RALYL: variants seen among roughly 807,000 people sequenced by gnomAD.
RALYL encodes RALY RNA binding protein like.
A neutral mutation model predicts 35.1 loss-of-function variants in RALYL; 29 were observed. The observed-to-expected ratio is 0.83, with a 90% CI of 0.61 to 1.13. The LOEUF (loss-of-function observed/expected upper bound fraction) is 1.13. Ranked by LOEUF, RALYL falls within the 50% of genes most tolerant of loss-of-function variation. RALYL has a pLI of 0.00. For synonymous variants in RALYL, 120 were observed against 127.6 expected, an observed-to-expected ratio of 0.94 and a Z score of 0.40; for missense variants, 359 against 360.4, an observed-to-expected ratio of 1.00 and a Z score of 0.03.
chr8:84,844,900 T>C (rs1834278509), intron 4 of RALYL, among the ~76,000 whole-genome samples: 1 of 151,482 alleles, frequency 6.6e-6, no homozygotes, highest in African/African-American at 2.4e-5. Context: ...TTCTCACTCA[T>C]AGGTGGGAAT....
chr8:84,590,208 C>T (rs745652868), intron 2 of RALYL, among the ~76,000 whole-genome samples: 1 of 152,170 alleles, frequency 6.6e-6, no homozygotes, highest in Non-Finnish European at 1.5e-5. Context: ...GGGTTCCACC[C>T]CGCCCATGCC....
chr8:84,455,055 C>A (rs1053540343), intron 1 of RALYL, among the ~76,000 whole-genome samples: 1 of 151,850 alleles, frequency 6.6e-6, no homozygotes, highest in African/African-American at 2.4e-5. Context: ...AATTCTTTGC[C>A]ATGCAAAGGG....
At chr8:84,643,626 C>G (rs1170022723) in intron 2 of RALYL, among the ~76,000 whole-genome samples, 1 of 152,030 alleles carries the variant, frequency 6.6e-6, no homozygotes. Context: ...ACAGCAATCC[C>G]CATATGGGCC....
chr8:84,341,674 CTAA>C (rs1389963006), intron 1 of RALYL, among the ~76,000 whole-genome samples: 1 of 151,836 alleles, frequency 6.6e-6, no homozygotes, highest in Non-Finnish European at 1.5e-5. Context: ...TAAAACATTC[CTAA>C]TAATAGAAAT....
At chr8:84,658,524 G>A (rs1465560202) in intron 2 of RALYL, among the ~76,000 whole-genome samples, 2 of 152,150 alleles carry the variant, frequency 1.3e-5, no homozygotes, top group South Asian at 2.1e-4. Flanking sequence ...AGAAACAGCA[G>A]TAAGTGTGCT....
chr8:84,339,427 G>C (rs942378744), intron 1 of RALYL, among the ~76,000 whole-genome samples: 1 of 151,878 alleles, frequency 6.6e-6, no homozygotes, highest in East Asian at 1.9e-4. Flanking sequence ...TCCTATTGTA[G>C]GTTGTGCACT....
At chr8:84,737,508 C>T (rs183489186) in intron 2 of RALYL, among the ~76,000 whole-genome samples, 1 of 151,840 alleles carries the variant, frequency 6.6e-6, no homozygotes, top group African/African-American at 2.4e-5. Flanking sequence ...ATTGGGGGAA[C>T]TATATATTAA....
intron 1 of RALYL, among the ~76,000 whole-genome samples, chr8:84,372,258 T>C (rs1307769371): frequency 2.0e-5 from 3 of 152,136 alleles, no homozygotes; most frequent in South Asian, 2.1e-4. Context: ...GTCCACTATT[T>C]TGGCAGAAAA....
At chr8:84,651,390 T>A in intron 2 of RALYL, among the ~76,000 whole-genome samples, 1 of 151,862 alleles carries the variant, frequency 6.6e-6, no homozygotes, top group East Asian at 1.9e-4. Flanking sequence ...AATTTCTTAT[T>A]TCTAGGCACA....
chr8:84,718,711 G>T (rs1286201646), intron 2 of RALYL, among the ~76,000 whole-genome samples: 1 of 151,940 alleles, frequency 6.6e-6, no homozygotes, highest in African/African-American at 2.4e-5. Context: ...GTTGCAGTGA[G>T]CCGAGATCGC....
chr8:84,348,614 T>C (rs1850287857), intron 1 of RALYL, among the ~76,000 whole-genome samples: 1 of 152,096 alleles, frequency 6.6e-6, no homozygotes, highest in Admixed American at 6.6e-5. Flanking sequence ...ATTACTGCTT[T>C]ATCGACCGTA....
At chr8:84,735,458 A>G (rs564928817) in intron 2 of RALYL, among the ~76,000 whole-genome samples, 96 of 152,140 alleles carry the variant, frequency 6.3e-4, no homozygotes, top group Non-Finnish European at 7.4e-5. Flanking sequence ...CAGAGAGCCA[A>G]ATTTAGCTGT....
intron 8 of RALYL, among the ~76,000 whole-genome samples, chr8:84,907,441 G>A (rs749271225): frequency 1.3e-4 from 20 of 151,804 alleles, no homozygotes; most frequent in Non-Finnish European, 2.5e-4. Flanking sequence ...TACCTTCCAG[G>A]AACAATGCTG....
chr8:84,400,563 A>T (rs1191019395), intron 1 of RALYL, among the ~76,000 whole-genome samples: 1 of 152,190 alleles, frequency 6.6e-6, no homozygotes, highest in Non-Finnish European at 1.5e-5. Flanking sequence ...CATGAATATG[A>T]GAGTGATGGT....
At chr8:84,440,821 C>A (rs1456233499) in intron 1 of RALYL, among the ~76,000 whole-genome samples, 1 of 43,504 alleles carries the variant, frequency 2.3e-5, no homozygotes, top group Non-Finnish European at 4.9e-5. Flanking sequence ...CATTAAGCTA[C>A]ATAATAGCTA....
At position 84,230,474 on chromosome 8, in the gene RALYL, C is replaced by T. The variant is rs572934913; in HGVS notation, c.-24+46050C>T. Among the ~76,000 whole-genome samples the T allele has an allele frequency of 3.3e-5, 5 of 152,032 alleles. No homozygotes were observed. In the East Asian group the frequency reaches 7.7e-4, roughly 23 times the overall value. On this transcript the variant is annotated intron_variant, in intron 1 of 8. Coordinates refer to ENST00000521268, the MANE Select transcript of RALYL (RefSeq NM_173848.7). ...GTATACTAATGAATGTTATAAATAT[C>T]CTGTGAATAATGTGAACAGGAGCAA...
At chr8:84,849,337 A>G (rs1051193990) in intron 4 of RALYL, among the ~76,000 whole-genome samples, 4 of 152,174 alleles carry the variant, frequency 2.6e-5, no homozygotes, top group African/African-American at 9.7e-5. Context: ...TGAATTTCCA[A>G]GGAACCACAT....
At chr8:84,390,931 G>A (rs1860534512) in intron 1 of RALYL, among the ~76,000 whole-genome samples, 1 of 151,934 alleles carries the variant, frequency 6.6e-6, no homozygotes, top group Non-Finnish European at 1.5e-5. Context: ...TCATCTCAAT[G>A]TTCACACGTT....
At chr8:84,359,549 C>G (rs1390127000) in intron 1 of RALYL, among the ~76,000 whole-genome samples, 1 of 151,952 alleles carries the variant, frequency 6.6e-6, no homozygotes, top group Non-Finnish European at 1.5e-5. Flanking sequence ...GTCTAATAAT[C>G]ATATCTGTAC....
Sources: allele counts gnomAD v4.1 joint callset (sites outside exome capture counted in the v4.1 genomes callset), GRCh38; gene constraint gnomAD v4.1.1; transcripts MANE v1.5; gene names NCBI Gene and HGNC (gene_info 2026-07-23, HGNC 2026-07-21).